Variants in NHS observed in about 807,000 individuals in gnomAD.
The protein encoded by NHS is actin remodeling regulator NHS.
In NHS, 5 loss-of-function variants were observed where a neutral mutation model predicts 72.5. That is an observed-to-expected ratio of 0.07 (90% CI 0.04 to 0.14). NHS has a LOEUF of 0.14. NHS is among the 10% of genes least tolerant of loss of function. The pLI is 1.00. For synonymous variants in NHS, 464 were observed against 547.7 expected (o/e 0.85, Z 2.13); for missense variants, 1,072 against 1,355.7 (o/e 0.79, Z 3.29).
At chrX:17,541,760 G>C (rs1344406973) in intron 1 of NHS, among the ~76,000 whole-genome samples, 1 of 38,393 alleles carries the variant, frequency 2.6e-5, no homozygotes, top group Non-Finnish European at 4.5e-5. Context: ...AGGTATCTGA[G>C]TTTGCGAACA....
chrX:17,599,715 C>G (rs968614205), intron 1 of NHS, among the ~76,000 whole-genome samples: 1 of 110,998 alleles, frequency 9.0e-6, no homozygotes, highest in African/African-American at 3.3e-5. Context: ...AAAATGAGGA[C>G]CATTAGATAA....
chrX:17,695,225 T>G (rs745787208), intron 3 of NHS, among the ~76,000 whole-genome samples: 7 of 112,105 alleles, frequency 6.2e-5, no homozygotes, highest in African/African-American at 2.3e-4. Context: ...CATCTAGGAA[T>G]TCACCCCAAG....
chrX:17,487,040 C>T (rs1601728227), intron 1 of NHS, among the ~76,000 whole-genome samples: 1 of 111,840 alleles, frequency 8.9e-6, no homozygotes, highest in East Asian at 2.8e-4. Context: ...GCCCCAATGC[C>T]TACTCTCTTA....
intron 1 of NHS, among the ~76,000 whole-genome samples, chrX:17,395,717 C>G (rs1052440805): frequency 8.0e-5 from 9 of 112,141 alleles, no homozygotes; most frequent in African/African-American, 2.6e-4. Flanking sequence ...TTAGACACTA[C>G]TGATGGAACA....
chrX:17,569,806 T>A (rs2065465585), intron 1 of NHS, among the ~76,000 whole-genome samples: 1 of 112,323 alleles, frequency 8.9e-6, no homozygotes, highest in African/African-American at 3.2e-5. Flanking sequence ...TACTAGGTCT[T>A]ACATTTAAGT....
At chrX:17,610,220 T>C (rs2065703260) in intron 1 of NHS, among the ~76,000 whole-genome samples, 1 of 111,825 alleles carries the variant, frequency 8.9e-6, no homozygotes, top group Non-Finnish European at 1.9e-5. Flanking sequence ...GAAGTCTCCA[T>C]TGCATAGGAA....
At chrX:17,683,880 G>A (rs990009087) in intron 1 of NHS, among the ~76,000 whole-genome samples, 1 of 111,679 alleles carries the variant, frequency 9.0e-6, no homozygotes, top group Non-Finnish European at 1.9e-5. Context: ...TAAAGTAGTG[G>A]GAGTGTGCAT....
intron 3 of NHS, among the ~76,000 whole-genome samples, chrX:17,699,956 GA>G (rs778953389): frequency 8.9e-6 from 1 of 111,886 alleles, no homozygotes; most frequent in African/African-American, 3.2e-5. Context: ...AAAGACAACT[GA>G]AAAACTGGGA....
At chrX:17,515,499 G>A (rs2065114869) in intron 1 of NHS, among the ~76,000 whole-genome samples, 1 of 112,288 alleles carries the variant, frequency 8.9e-6, no homozygotes, top group Non-Finnish European at 1.9e-5. Flanking sequence ...AAAGAAGGAT[G>A]TTTTGACTGC....
At chrX:17,465,449 G>A (rs1018518853) in intron 1 of NHS, among the ~76,000 whole-genome samples, 3 of 111,218 alleles carry the variant, frequency 2.7e-5, no homozygotes, top group African/African-American at 9.8e-5. Context: ...TGTTGGTGCA[G>A]GGCTCAGATA....
intron 3 of NHS, among the ~76,000 whole-genome samples, chrX:17,697,014 T>C (rs1043251665): frequency 1.8e-4 from 20 of 110,598 alleles, no homozygotes; most frequent in African/African-American, 6.3e-4. Context: ...ACCAGAAAAA[T>C]TGTCTGCCCT....
At chrX:17,404,902 A>G (rs958988965) in intron 1 of NHS, among the ~76,000 whole-genome samples, 2 of 110,682 alleles carry the variant, frequency 1.8e-5, no homozygotes, top group Non-Finnish European at 3.8e-5. Context: ...TGGAAACTTC[A>G]TAGGATCAGG....
intron 1 of NHS, among the ~76,000 whole-genome samples, chrX:17,549,118 T>C (rs2146958093): frequency 1.1e-5 from 1 of 94,772 alleles, no homozygotes; most frequent in East Asian, 3.2e-4. Context: ...GGTTTCAAGA[T>C]GAGTAGGCCC....
intron 1 of NHS, among the ~76,000 whole-genome samples, chrX:17,432,355 G>A (rs984920150): frequency 1.8e-5 from 2 of 112,640 alleles, no homozygotes; most frequent in Non-Finnish European, 3.7e-5. Flanking sequence ...AGCTGTGCCT[G>A]AGTGTGTCTT....
intron 1 of NHS, among the ~76,000 whole-genome samples, chrX:17,449,941 C>G (rs761813599): frequency 8.9e-6 from 1 of 111,967 alleles, no homozygotes; most frequent in African/African-American, 3.3e-5. Context: ...CTGCTGCCAC[C>G]TCTCCCAAGT....
intron 1 of NHS, among the ~76,000 whole-genome samples, chrX:17,682,647 C>A (rs1022962101): frequency 3.6e-5 from 4 of 111,540 alleles, no homozygotes; most frequent in Non-Finnish European, 7.5e-5. Context: ...ACTTTGATCT[C>A]AGCTGTCACC....
At chrX:17,421,390 A>C (rs965644510) in intron 1 of NHS, among the ~76,000 whole-genome samples, 36 of 110,523 alleles carry the variant, frequency 3.3e-4, no homozygotes, top group Non-Finnish European at 6.2e-4. Context: ...CTTGTTTTCT[A>C]GCTTTCAAGT....
intron 1 of NHS, among the ~76,000 whole-genome samples, chrX:17,664,355 A>G (rs1046678300): frequency 7.2e-5 from 8 of 111,651 alleles, no homozygotes; most frequent in Admixed American, 5.7e-4. Context: ...TCCTTCCCTA[A>G]TTACCGGTTG....
intron 1 of NHS, among the ~76,000 whole-genome samples, chrX:17,436,502 T>C (rs1357496442): frequency 9.1e-6 from 1 of 109,589 alleles, no homozygotes; most frequent in Non-Finnish European, 1.9e-5. Flanking sequence ...GCTTTCCTCA[T>C]AAATATATAT....
Sources: gnomAD v4.1 joint callset for allele counts (sites outside exome capture counted in the v4.1 genomes callset) on GRCh38, gnomAD v4.1.1 for gene constraint, MANE v1.5 for transcripts, NCBI Gene and HGNC (gene_info 2026-07-23, HGNC 2026-07-21) for gene names.